TATDN1: variants seen among roughly 807,000 people sequenced by gnomAD.
The protein encoded by TATDN1 is TatD DNase domain containing 1.
In TATDN1, 40 loss-of-function variants were observed where a neutral mutation model predicts 46.4. The observed-to-expected ratio is 0.86, with a 90% CI of 0.67 to 1.12. The LOEUF (loss-of-function observed/expected upper bound fraction) is 1.12, where lower values mean the gene tolerates loss of function less well. Ranked by LOEUF, TATDN1 falls within the 50% of genes most tolerant of loss-of-function variation. The pLI, the probability that TATDN1 is intolerant of heterozygous loss-of-function variation, is 0.00. For missense variants in TATDN1, 326 were observed against 348.4 expected (o/e 0.94, Z 0.51); for synonymous variants, 95 against 105.6 (o/e 0.90, Z 0.62).
chr8:124,519,920 T>C (rs901522040), intron 3 of TATDN1, among the ~76,000 whole-genome samples: 2 of 152,190 alleles, frequency 1.3e-5, no homozygotes, highest in African/African-American at 4.8e-5. Context: ...TCTGAAGACG[T>C]GATTCAAGTA....
At chr8:124,532,464 T>C (rs1433632120) in intron 1 of TATDN1, among the ~76,000 whole-genome samples, 1 of 152,092 alleles carries the variant, frequency 6.6e-6, no homozygotes, top group East Asian at 1.9e-4. Context: ...TTGTGTTTTT[T>C]ATAGAGACGA....
Position 124,501,320 on chromosome 8 carries a change from C to T in TATDN1, c.593+2951G>A, listed in dbSNP as rs907945385. ...GAACCAACCCAGAAAAAGATCTCTACAAACTGACATTTGGGAATCCCTAGC... is the reference window on the plus strand; with the variant it reads ...GAACCAACCCAGAAAAAGATCTCTATAAACTGACATTTGGGAATCCCTAGC... On this transcript the variant is annotated intron_variant, in intron 9 of 11. Coordinates refer to ENST00000276692, the MANE Select transcript of TATDN1 (RefSeq NM_032026.4). Among the ~76,000 whole-genome samples, 4 of 152,194 alleles carry T rather than the reference C, an allele frequency of 2.6e-5. 1 individual carries two copies. In the South Asian group the frequency reaches 6.2e-4, roughly 24 times the overall value.
intron 9 of TATDN1, among the ~76,000 whole-genome samples, chr8:124,496,485 G>A (rs1303973491): frequency 2.0e-5 from 3 of 152,064 alleles, no homozygotes; most frequent in African/African-American, 7.2e-5. Context: ...TCTATGGTCC[G>A]CCTATTCATC....
At chr8:124,537,409 AG>A (rs1586698748) in intron 1 of TATDN1, among the ~76,000 whole-genome samples, 1 of 152,190 alleles carries the variant, frequency 6.6e-6, no homozygotes, top group African/African-American at 2.4e-5. Flanking sequence ...AGCATGCACA[AG>A]TGTTTATAGA....
At chr8:124,521,079 A>G (rs377517051) in intron 3 of TATDN1, among the ~76,000 whole-genome samples, 1 of 152,186 alleles carries the variant, frequency 6.6e-6, no homozygotes, top group Non-Finnish European at 1.5e-5. Flanking sequence ...TAGCCTTCAT[A>G]ACAACTCTAT....
chr8:124,532,815 C>T (rs770768174), intron 1 of TATDN1, among the ~76,000 whole-genome samples: 7 of 152,188 alleles, frequency 4.6e-5, no homozygotes, highest in Non-Finnish European at 7.3e-5. Flanking sequence ...CAGAGACCAC[C>T]ACATAGGCTG....
At chr8:124,523,555 G>A (rs932395201) in intron 1 of TATDN1, 2 of 152,100 alleles carry the variant, frequency 1.3e-5, no homozygotes, top group South Asian at 2.1e-4. Context: ...ACCACAGGTC[G>A]ATTGAAAATA....
chr8:124,495,436 G>T (rs899714891), intron 10 of TATDN1, 36 bp downstream of exon 10: 1 of 1,521,164 alleles, frequency 6.6e-7, no homozygotes, highest in Non-Finnish European at 9.0e-7. Flanking sequence ...GTTTGGTATG[G>T]TTTAATATGA....
chr8:124,515,748 G>A lies in TATDN1; in HGVS notation c.387C>T (p.Leu129=). The A allele has an allele frequency of 6.2e-7, 1 of 1,612,454 alleles. No homozygotes were observed. The highest frequency in any genetic ancestry group is 8.5e-7 in the Non-Finnish European group (1 of 1,179,156). ...RLQFCPKDTQ[L]KYFEKQFELS... ...GTAAAGCCAACAAATTTCCTTACTT[G>A]AGTTGAGTATCTTTGGGACAAAACT... The change falls in exon 6 of 12, where the codon CTC becomes CTT. Residue 129 remains leucine, a splice_region_variant and synonymous_variant. Transcript: ENST00000276692.
At chr8:124,520,152 T>G (rs573546455) in intron 3 of TATDN1, among the ~76,000 whole-genome samples, 25 of 152,210 alleles carry the variant, frequency 1.6e-4, no homozygotes, top group Non-Finnish European at 3.1e-4. Context: ...GCAGAAGATG[T>G]AAGGCAGGGC....
chr8:124,490,972 CAG>C (rs1343476160), intron 11 of TATDN1: 1 of 152,076 alleles, frequency 6.6e-6, no homozygotes, highest in African/African-American at 2.4e-5. Flanking sequence ...TTAGTAGAGA[CAG>C]GGTTTCTCCA....
chr8:124,500,197 C>A (rs1288963315), intron 9 of TATDN1, among the ~76,000 whole-genome samples: 1 of 152,126 alleles, frequency 6.6e-6, no homozygotes, highest in East Asian at 1.9e-4. Flanking sequence ...GAACCAAAGA[C>A]TTTATGTAAT....
chr8:124,516,385 C>G (rs1048471575), intron 4 of TATDN1, among the ~76,000 whole-genome samples: 1 of 152,038 alleles, frequency 6.6e-6, no homozygotes, highest in Non-Finnish European at 1.5e-5. Flanking sequence ...TTACTGCAGC[C>G]TTGACCTCCT....
At chr8:124,503,537 T>A (rs533626336) in intron 9 of TATDN1, among the ~76,000 whole-genome samples, 1 of 152,378 alleles carries the variant, frequency 6.6e-6, no homozygotes, top group Non-Finnish European at 1.5e-5. Flanking sequence ...ATTCCATGAT[T>A]CTATTTCCCT....
chr8:124,513,814 C>T (rs577765787), intron 6 of TATDN1, among the ~76,000 whole-genome samples: 1 of 152,294 alleles, frequency 6.6e-6, no homozygotes, highest in East Asian at 1.9e-4. Context: ...CAAGGCTTAT[C>T]CTGACCAAAA....
chr8:124,516,831 A>G (rs565703276), intron 4 of TATDN1, among the ~76,000 whole-genome samples: 28 of 152,228 alleles, frequency 1.8e-4, no homozygotes, highest in Non-Finnish European at 3.1e-4. Flanking sequence ...AGACTCTGAC[A>G]GCTTGACTTG....
At chr8:124,503,013 A>G (rs1376686848) in intron 9 of TATDN1, among the ~76,000 whole-genome samples, 2 of 152,204 alleles carry the variant, frequency 1.3e-5, no homozygotes, top group African/African-American at 4.8e-5. Context: ...CTTTAAAAAG[A>G]AACCAAAAAA....
intron 4 of TATDN1, among the ~76,000 whole-genome samples, chr8:124,517,425 C>CAAAAAAAAAAAA: frequency 1.5e-5 from 1 of 67,190 alleles, no homozygotes; most frequent in Non-Finnish European, 2.9e-5. Context: ...AAGACTGTCT[C>CAAAAAAAAAAAA]AAAAAAAAAA....
chr8:124,511,265 T>C (rs573244484), intron 6 of TATDN1, among the ~76,000 whole-genome samples: 1 of 152,292 alleles, frequency 6.6e-6, no homozygotes, highest in East Asian at 1.9e-4. Context: ...TCAGGAGCAG[T>C]TGTTATTAAT....
Sources: allele counts gnomAD v4.1 joint callset (sites outside exome capture counted in the v4.1 genomes callset), GRCh38; gene constraint gnomAD v4.1.1; transcripts MANE v1.5; gene names NCBI Gene and HGNC (gene_info 2026-07-23, HGNC 2026-07-21).